NPAS3: variants seen among roughly 807,000 people sequenced by gnomAD.
NPAS3 encodes neuronal PAS domain-containing protein 3.
In NPAS3, 14 loss-of-function variants were observed where a neutral mutation model predicts 73.1. The ratio of observed to expected loss-of-function variants is 0.19; its 90% CI spans 0.13 to 0.30. The LOEUF (loss-of-function observed/expected upper bound fraction) is 0.30. Ranked by LOEUF, NPAS3 falls within the 10% of genes least tolerant of loss-of-function variation. The pLI, the probability that NPAS3 is intolerant of heterozygous loss-of-function variation, is 1.00. For synonymous variants in NPAS3, 620 were observed against 541.5 expected (o/e 1.14, Z -2.01); for missense variants, 1,096 against 1,250.0 (o/e 0.88, Z 1.86).
intron 4 of NPAS3, among the ~76,000 whole-genome samples, chr14:33,483,767 G>T (rs1007673054): frequency 6.6e-6 from 1 of 152,064 alleles, no homozygotes. Context: ...CACCTCCCTC[G>T]AACAGCTTTC....
chr14:33,802,160 C>T (rs2063728637), downstream of NPAS3: 1 of 151,912 alleles, frequency 6.6e-6, no homozygotes, highest in Admixed American at 6.6e-5. Flanking sequence ...AATAACACTT[C>T]GGAGTAAAAG....
intron 6 of NPAS3, among the ~76,000 whole-genome samples, chr14:33,731,820 A>G (rs1469414443): frequency 6.6e-6 from 1 of 152,252 alleles, no homozygotes; most frequent in Non-Finnish European, 1.5e-5. Context: ...GGTTTATTAA[A>G]AAGTTGAGAC....
chr14:33,560,387 CAGAATAA>C, intron 5 of NPAS3, 177 bp downstream of exon 5: 1 of 477,902 alleles, frequency 2.1e-6, no homozygotes, highest in Non-Finnish European at 3.8e-6. Flanking sequence ...GTTGAACATT[CAGAATAA>C]ACTTGTGCTC....
chr14:33,734,701 G>A (rs779001754), intron 6 of NPAS3, among the ~76,000 whole-genome samples: 8 of 152,152 alleles, frequency 5.3e-5, no homozygotes, highest in African/African-American at 7.2e-5. Flanking sequence ...AACCAGCTCC[G>A]AGGGGTGAGG....
At chr14:33,007,148 C>G (rs2039028264) in intron 1 of NPAS3, among the ~76,000 whole-genome samples, 1 of 152,106 alleles carries the variant, frequency 6.6e-6, no homozygotes, top group South Asian at 2.1e-4. Flanking sequence ...AAATGAGGTT[C>G]CTATTATAAG....
chr14:33,314,212 A>T (rs1594669058), intron 3 of NPAS3, among the ~76,000 whole-genome samples: 1 of 152,108 alleles, frequency 6.6e-6, no homozygotes, highest in Non-Finnish European at 1.5e-5. Flanking sequence ...TAACAATTAG[A>T]TACAGGCTAT....
chr14:33,607,249 C>A (rs1263394716), intron 5 of NPAS3, among the ~76,000 whole-genome samples: 1 of 152,126 alleles, frequency 6.6e-6, no homozygotes, highest in East Asian at 1.9e-4. Flanking sequence ...TTGTAATAGT[C>A]AAAAACTGGA....
At chr14:33,481,689 T>C (rs1333565005) in intron 4 of NPAS3, among the ~76,000 whole-genome samples, 1 of 151,676 alleles carries the variant, frequency 6.6e-6, no homozygotes, top group Non-Finnish European at 1.5e-5. Flanking sequence ...AATATCACAG[T>C]GAAGGAAATA....
chr14:33,042,382 A>C (rs1595304858), intron 1 of NPAS3, among the ~76,000 whole-genome samples: 1 of 152,234 alleles, frequency 6.6e-6, no homozygotes, highest in Non-Finnish European at 1.5e-5. Context: ...GATATGTTTC[A>C]TAATGGGAAA....
intron 3 of NPAS3, among the ~76,000 whole-genome samples, chr14:33,340,629 T>C (rs890931267): frequency 5.9e-5 from 9 of 152,242 alleles, no homozygotes; most frequent in African/African-American, 9.6e-5. Context: ...CCAAATACAT[T>C]GTTATGGTGA....
intron 2 of NPAS3, among the ~76,000 whole-genome samples, chr14:33,125,609 G>A (rs189510776): frequency 1.7e-4 from 26 of 152,124 alleles, no homozygotes; most frequent in African/African-American, 5.8e-4. Flanking sequence ...AGAAGTTCCC[G>A]ATGTGTTTTT....
chr14:33,318,127 A>G (rs2043283429), intron 3 of NPAS3, among the ~76,000 whole-genome samples: 1 of 152,104 alleles, frequency 6.6e-6, no homozygotes, highest in African/African-American at 2.4e-5. Context: ...ATTTTAAAAA[A>G]GGGGTATATA....
At chr14:33,094,649 A>C (rs552821496) in intron 2 of NPAS3, among the ~76,000 whole-genome samples, 47 of 152,148 alleles carry the variant, frequency 3.1e-4, no homozygotes, top group African/African-American at 1.0e-3. Flanking sequence ...TATTTTTCGT[A>C]GAGATGAGGC....
chr14:33,678,412 C>T (rs56968147), intron 6 of NPAS3, among the ~76,000 whole-genome samples: 5,160 of 152,284 alleles, frequency 0.034, 303 homozygotes, highest in African/African-American at 0.12. Context: ...ATCCTCCTTT[C>T]CTCCTGTCAT....
chr14:33,463,433 A>G (rs2050365931), intron 4 of NPAS3, among the ~76,000 whole-genome samples: 1 of 152,192 alleles, frequency 6.6e-6, no homozygotes, highest in Admixed American at 6.5e-5. Flanking sequence ...TTACAGGAAA[A>G]CCCCCATAGA....
chr14:33,401,956 G>A (rs1183665644), intron 4 of NPAS3, among the ~76,000 whole-genome samples: 1 of 152,102 alleles, frequency 6.6e-6, no homozygotes, highest in Non-Finnish European at 1.5e-5. Flanking sequence ...GTTTTTCTAA[G>A]TTAGAGGAAA....
chr14:32,991,770 T>C (rs2038344268), intron 1 of NPAS3, among the ~76,000 whole-genome samples: 1 of 152,198 alleles, frequency 6.6e-6, no homozygotes, highest in Non-Finnish European at 1.5e-5. Flanking sequence ...GCACCTCCCT[T>C]TGGGCCTCAC....
chr14:33,516,657 A>C (rs143068187), intron 4 of NPAS3, among the ~76,000 whole-genome samples: 1 of 152,236 alleles, frequency 6.6e-6, no homozygotes, highest in East Asian at 1.9e-4. Flanking sequence ...ACCTCATTGG[A>C]GTTACTGTGC....
intron 2 of NPAS3, among the ~76,000 whole-genome samples, chr14:33,078,627 G>A (rs926465298): frequency 4.0e-5 from 6 of 151,892 alleles, no homozygotes; most frequent in African/African-American, 1.5e-4. Context: ...AGATTGAAGA[G>A]TTAGATTTTT....
Sources: allele counts gnomAD v4.1 joint callset (sites outside exome capture counted in the v4.1 genomes callset), GRCh38; gene constraint gnomAD v4.1.1; transcripts MANE v1.5; gene names NCBI Gene and HGNC (gene_info 2026-07-23, HGNC 2026-07-21).